XPO7: variants seen among roughly 807,000 people sequenced by gnomAD.
XPO7 encodes the protein exportin 7, also known as exportin-7.
A neutral mutation model predicts 144.3 loss-of-function variants in XPO7; 21 were observed. The observed-to-expected ratio is 0.15, with a 90% CI of 0.10 to 0.21. XPO7 has a LOEUF of 0.21. Ranked by LOEUF, XPO7 falls within the 10% of genes least tolerant of loss-of-function variation. The pLI is 1.00. For missense variants in XPO7, 808 were observed against 1,325.8 expected, an observed-to-expected ratio of 0.61 and a Z score of 6.06; for synonymous variants, 580 against 499.6, an observed-to-expected ratio of 1.16 and a Z score of -2.15.
At chr8:21,970,101 TC>T in intron 3 of XPO7, 42 bp from the exon 4 acceptor site, 5 of 1,582,062 alleles carry the variant, frequency 3.2e-6, no homozygotes, top group Non-Finnish European at 4.3e-6. Context: ...GGCAGAGCTT[TC>T]TATTATGTGG....
At chr8:21,937,577 C>A (rs1384835744) in intron 1 of XPO7, among the ~76,000 whole-genome samples, 1 of 152,190 alleles carries the variant, frequency 6.6e-6, no homozygotes, top group African/African-American at 2.4e-5. Flanking sequence ...TCTACAACAG[C>A]TGCCATTTGT....
chr8:21,925,724 G>A (rs1281457789), intron 1 of XPO7, among the ~76,000 whole-genome samples: 5 of 152,202 alleles, frequency 3.3e-5, no homozygotes, highest in African/African-American at 1.2e-4. Flanking sequence ...GAAGTCCCTT[G>A]TACTTCAAGC....
chr8:21,975,875 C>T (rs1252891882), intron 6 of XPO7, among the ~76,000 whole-genome samples: 1 of 152,156 alleles, frequency 6.6e-6, no homozygotes, highest in African/African-American at 2.4e-5. Flanking sequence ...AAATAAAATT[C>T]ACTGATGATT....
intron 5 of XPO7, among the ~76,000 whole-genome samples, chr8:21,973,345 A>G (rs979096896): frequency 6.6e-6 from 1 of 152,236 alleles, no homozygotes; most frequent in Admixed American, 6.5e-5. Flanking sequence ...TAAGAAAGTG[A>G]TGAAATTTTG....
At chr8:21,934,202 T>C (rs1563311277) in intron 1 of XPO7, among the ~76,000 whole-genome samples, 1 of 152,200 alleles carries the variant, frequency 6.6e-6, no homozygotes, top group Non-Finnish European at 1.5e-5. Flanking sequence ...AAAAGTGTTG[T>C]AATGAAATAT....
At chr8:21,942,494 A>G (rs903226648) in intron 1 of XPO7, among the ~76,000 whole-genome samples, 1 of 152,218 alleles carries the variant, frequency 6.6e-6, no homozygotes, top group Non-Finnish European at 1.5e-5. Context: ...GTCTTATTGG[A>G]GTACAGCTGG....
Position 21,982,927 on chromosome 8 carries a change from A to T in XPO7, c.1277+115A>T, listed in dbSNP as rs934300328. On this transcript the variant is annotated intron_variant, in intron 11 of 27. Transcript: ENST00000252512. ...CGAAGCGTGTCTCATTGGAGCCACT[A>T]CTGTTCATGGTTCTTCTTCCTTGTC... 1.8e-5 allele frequency: 23 copies of T among 1,278,314 alleles called. No homozygotes were observed. The Admixed American group carries it at 5.7e-4, about 32-fold the overall frequency. 79.2% of individuals were successfully genotyped at this position (1,278,314 alleles called of 1,614,324 possible).
intron 1 of XPO7, among the ~76,000 whole-genome samples, chr8:21,946,036 G>C (rs779071832): frequency 6.6e-6 from 1 of 152,150 alleles, no homozygotes; most frequent in Admixed American, 6.5e-5. Flanking sequence ...GCCACTAGCA[G>C]AAACAGGAAA....
chr8:21,971,821 T>G, intron 4 of XPO7, 55 bp from the exon 5 acceptor site: 5 of 1,506,684 alleles, frequency 3.3e-6, no homozygotes, highest in Non-Finnish European at 4.6e-6. Flanking sequence ...GCATTCCAAA[T>G]GCCAAAACCA....
chr8:21,954,853 CCTTGTTTGCTGT>C (rs1811484713), intron 1 of XPO7, among the ~76,000 whole-genome samples: 1 of 152,006 alleles, frequency 6.6e-6, no homozygotes. Flanking sequence ...AGTTGTTTGA[CCTTGTTTGCTGT>C]ATGGTAAACA....
intron 24 of XPO7, among the ~76,000 whole-genome samples, chr8:22,001,507 C>G (rs950011855): frequency 2.6e-5 from 4 of 152,148 alleles, no homozygotes; most frequent in Admixed American, 2.0e-4. Context: ...CAGCTCCCCC[C>G]AGAGATGCTT....
intron 1 of XPO7, among the ~76,000 whole-genome samples, chr8:21,929,278 A>T (rs1208678341): frequency 1.3e-5 from 2 of 152,220 alleles, no homozygotes; most frequent in African/African-American, 4.8e-5. Context: ...AGGTTATAGG[A>T]TTGCTTTCCT....
intron 18 of XPO7, 26 bp downstream of exon 18, chr8:21,990,945 A>G: frequency 1.2e-6 from 2 of 1,602,748 alleles, no homozygotes; most frequent in African/African-American, 1.3e-5. Context: ...GTAGTGGCTC[A>G]TGAAGTCATC....
chr8:21,946,523 G>C lies in XPO7; in HGVS notation c.19-20334G>C, dbSNP rs914952353. Among the ~76,000 whole-genome samples the C allele has an allele frequency of 1.1e-4, 14 of 127,930 alleles. No individual in the cohort carries two copies. In the East Asian group the frequency reaches 3.5e-3, roughly 32 times the overall value. The allele number at this position is 127,930 out of a possible 152,430, so 83.9% of individuals were successfully genotyped here. A position where few individuals can be genotyped will look rare whatever the true frequency, so the allele number is the denominator to read the frequency against. On this transcript the variant is annotated intron_variant, in intron 1 of 27. Coordinates refer to ENST00000252512, the MANE Select transcript of XPO7 (RefSeq NM_015024.5). ...AGTGGTTAAGAGACATGGAGGGTAAGATACCACGAAATAACTAGAAAGACA... is the reference window on the plus strand; with the variant it reads ...AGTGGTTAAGAGACATGGAGGGTAACATACCACGAAATAACTAGAAAGACA...
intron 2 of XPO7, among the ~76,000 whole-genome samples, chr8:21,968,018 T>A (rs930968741): frequency 1.3e-5 from 2 of 152,158 alleles, no homozygotes; most frequent in African/African-American, 2.4e-5. Flanking sequence ...GTCCTCATAT[T>A]TTTCCTAATC....
At chr8:21,990,690 T>G in intron 17 of XPO7, 121 bp from the exon 18 acceptor site, 2 of 1,025,386 alleles carry the variant, frequency 2.0e-6, no homozygotes, top group Non-Finnish European at 1.4e-6. Flanking sequence ...AACCTTCAGA[T>G]CCTCAAGGAA....
In XPO7 at chr8:21,924,757, A is replaced by G. The variant is rs1810405184; in HGVS notation, c.18+4969A>G. The stretch of plus-strand genomic sequence containing the variant: ...TGAAAATGCTCACAACATTTTATTG[A>G]GAAACTGATTTACAAGTATTTCTCT... On this transcript the variant is annotated intron_variant, in intron 1 of 27. Coordinates refer to ENST00000252512, the MANE Select transcript of XPO7 (RefSeq NM_015024.5). Among the ~76,000 whole-genome samples, 6 of 152,348 alleles carry G rather than the reference A, an allele frequency of 3.9e-5. 1 individual carries two copies. The South Asian group carries it at 1.2e-3, about 32-fold the overall frequency.
At chr8:21,954,769 A>G (rs1348390484) in intron 1 of XPO7, among the ~76,000 whole-genome samples, 2 of 152,260 alleles carry the variant, frequency 1.3e-5, no homozygotes, top group Non-Finnish European at 2.9e-5. Flanking sequence ...AAGTGAGTTT[A>G]TACAACTCTT....
chr8:21,988,913 T>C (rs948273374), intron 15 of XPO7, 90 bp from the exon 16 acceptor site: 4 of 1,222,208 alleles, frequency 3.3e-6, no homozygotes, highest in Middle Eastern at 2.2e-4. Context: ...GTGGTGACTT[T>C]TGATGAATGA....
Sources: allele counts gnomAD v4.1 joint callset (sites outside exome capture counted in the v4.1 genomes callset), GRCh38; gene constraint gnomAD v4.1.1; transcripts MANE v1.5; gene names NCBI Gene and HGNC (gene_info 2026-07-23, HGNC 2026-07-21).